Variants in PKP4 observed in about 807,000 individuals in gnomAD.
The protein encoded by PKP4 is plakophilin-4.
Under a neutral mutation model 145.1 loss-of-function variants are expected in PKP4, and 90 were observed. The ratio of observed to expected loss-of-function variants is 0.62; its 90% CI spans 0.52 to 0.74. PKP4 has a LOEUF of 0.74. PKP4 is among the 30% of genes least tolerant of loss of function. The pLI is 0.00. For missense variants in PKP4, 1,340 were observed against 1,482.7 expected (o/e 0.90, Z 1.58); for synonymous variants, 563 against 577.2 (o/e 0.98, Z 0.35).
At chr2:158,536,943 G>C (rs1331491332) in intron 2 of PKP4, among the ~76,000 whole-genome samples, 1 of 152,176 alleles carries the variant, frequency 6.6e-6, no homozygotes, top group East Asian at 1.9e-4. Context: ...TCAGTTACCT[G>C]AGGATAGAGC....
chr2:158,589,419 C>T (rs2049067180), intron 3 of PKP4, among the ~76,000 whole-genome samples: 1 of 152,212 alleles, frequency 6.6e-6, no homozygotes, highest in East Asian at 1.9e-4. Context: ...GCCACTGCAC[C>T]CCTCCAAACA....
intron 2 of PKP4, among the ~76,000 whole-genome samples, chr2:158,576,510 C>T (rs1404388954): frequency 6.6e-6 from 1 of 152,184 alleles, no homozygotes; most frequent in Non-Finnish European, 1.5e-5. Context: ...ACTAAAATCC[C>T]ATCAAGCTAA....
chr2:158,520,542 G>A (rs2105562455), intron 1 of PKP4, among the ~76,000 whole-genome samples: 1 of 152,268 alleles, frequency 6.6e-6, no homozygotes, highest in Non-Finnish European at 1.5e-5. Flanking sequence ...ACTGTATCAT[G>A]TTTATTCCGC....
chr2:158,631,081 G>T (rs889741293), intron 7 of PKP4, among the ~76,000 whole-genome samples: 1 of 151,866 alleles, frequency 6.6e-6, no homozygotes, highest in Non-Finnish European at 1.5e-5. Flanking sequence ...GGGACTATAG[G>T]CTCCCGCCAC....
chr2:158,677,098 G>T, intron 20 of PKP4: 1 of 524,546 alleles, frequency 1.9e-6, no homozygotes, highest in East Asian at 3.7e-5. Flanking sequence ...TGTACGGTGG[G>T]CACAAATAAA....
At chr2:158,678,715 A>G (rs1054389316) in intron 21 of PKP4, 61 bp downstream of exon 21, 4 of 1,039,534 alleles carry the variant, frequency 3.8e-6, no homozygotes, top group Non-Finnish European at 1.5e-6. Flanking sequence ...TAAGGGGTCC[A>G]CGTCGATTGA....
chr2:158,497,205 C>T (rs906716333), intron 1 of PKP4, among the ~76,000 whole-genome samples: 1 of 152,128 alleles, frequency 6.6e-6, no homozygotes, highest in African/African-American at 2.4e-5. Flanking sequence ...AGAGCTTCCA[C>T]CCTGCAGGAA....
chr2:158,498,357 C>G (rs181893175), intron 1 of PKP4, among the ~76,000 whole-genome samples: 4 of 152,102 alleles, frequency 2.6e-5, no homozygotes, highest in African/African-American at 9.7e-5. Flanking sequence ...TGGGGAAAAT[C>G]AAAACCTATC....
At chr2:158,523,858 G>A (rs1347437054) in intron 1 of PKP4, among the ~76,000 whole-genome samples, 1 of 141,242 alleles carries the variant, frequency 7.1e-6, no homozygotes, top group South Asian at 2.5e-4. Flanking sequence ...GAGCCGATGT[G>A]ATCAACTGGA....
rs765885226 is a variant in PKP4, at chr2:158,680,465, A to G, written c.3367A>G (p.Arg1123Gly). The G allele has an allele frequency of 6.2e-7, 1 of 1,613,104 alleles. No individual in the cohort carries two copies. The highest frequency in any genetic ancestry group is 2.2e-5 in the East Asian group (1 of 44,870). The change falls in exon 22 of 22, where the codon AGA becomes GGA. Residue 1123 changes from arginine to glycine, a missense_variant. By Grantham distance (125) the Arg-to-Gly change is moderately radical. Transcript: ENST00000389759. ...QLYYSQDDSN[R>G]KNFDAYRLYL... ...GTATTATAGTCAAGATGACTCCAAC[A>G]GAAAGAACTTTGATGCATACAGATT...
intron 3 of PKP4, among the ~76,000 whole-genome samples, chr2:158,601,064 A>G (rs2050184526): frequency 6.6e-6 from 1 of 152,198 alleles, no homozygotes; most frequent in African/African-American, 2.4e-5. Context: ...ACCTTTCAAA[A>G]CATTAAAGAA....
At chr2:158,486,559 A>G (rs1355080322) in intron 1 of PKP4, among the ~76,000 whole-genome samples, 1 of 152,208 alleles carries the variant, frequency 6.6e-6, no homozygotes, top group East Asian at 1.9e-4. Flanking sequence ...GTGGAAGGTA[A>G]TGTGTGGTGG....
chr2:158,512,445 C>T (rs761040645), intron 1 of PKP4, among the ~76,000 whole-genome samples: 7 of 152,276 alleles, frequency 4.6e-5, no homozygotes, highest in African/African-American at 7.2e-5. Context: ...AGTTGTGGAA[C>T]GGTTGGCATG....
At chr2:158,530,500 CTTTCTTTTTTTT>C (rs2043428921) in intron 1 of PKP4, among the ~76,000 whole-genome samples, 1 of 83,728 alleles carries the variant, frequency 1.2e-5, no homozygotes, top group African/African-American at 5.5e-5. Flanking sequence ...AGTACTCTTT[CTTTCTTTTTTTT>C]TTTTTTTTTT....
At chr2:158,595,222 A>C (rs1224789401) in intron 3 of PKP4, among the ~76,000 whole-genome samples, 1 of 152,200 alleles carries the variant, frequency 6.6e-6, no homozygotes, top group Non-Finnish European at 1.5e-5. Context: ...ACCTATTAGT[A>C]AGTGGTATGA....
chr2:158,548,681 C>A, intron 2 of PKP4: 1 of 184,954 alleles, frequency 5.4e-6, no homozygotes, highest in Non-Finnish European at 1.1e-5. Flanking sequence ...CCAGTTCACC[C>A]CGGCCGTGGA....
chr2:158,482,332 C>T (rs1574029085), intron 1 of PKP4, among the ~76,000 whole-genome samples: 2 of 152,176 alleles, frequency 1.3e-5, no homozygotes, highest in East Asian at 3.9e-4. Context: ...CCTTCCTTTC[C>T]AAGACATGGT....
Position 158,603,094 on chromosome 2 carries a change from G to T in PKP4, c.270G>T (p.Trp90Cys). The change falls in exon 4 of 22, where the codon TGG becomes TGT. Residue 90 changes from tryptophan to cysteine, a missense_variant. Transcript: ENST00000389759. The part of the protein sequence containing the change: ...STSSTEKSFP[W>C]RSTDVPNTGV... ...GCTCAACTGAGAAGTCATTTCCTTGGAGATCAACAGGTATGTTTTTTATTA... is the reference window on the plus strand; with the variant it reads ...GCTCAACTGAGAAGTCATTTCCTTGTAGATCAACAGGTATGTTTTTTATTA... 1 of 1,472,748 alleles carries T rather than the reference G, an allele frequency of 6.8e-7. No homozygotes were observed. Among genetic ancestry groups the T allele is most frequent in the Non-Finnish European group, 9.2e-7 (1 of 1,084,866 alleles). The allele number at this position is 1,472,748 out of a possible 1,614,324, so 91.2% of individuals were successfully genotyped here.
Position 158,681,244 on chromosome 2 carries a change from C to G in PKP4, c.*567C>G, listed in dbSNP as rs1274904630. Reference sequence around the variant, plus strand: ...AAAAACAAATGAGAAGCCCAAGGAACTGTGAGCAATTAAAAGCAAACCGCG... The same window carrying G: ...AAAAACAAATGAGAAGCCCAAGGAAGTGTGAGCAATTAAAAGCAAACCGCG... On this transcript the variant is annotated 3_prime_UTR_variant, in exon 22 of 22. Coordinates refer to ENST00000389759, the MANE Select transcript of PKP4 (RefSeq NM_003628.6). 1 of 153,412 alleles carries G rather than the reference C, an allele frequency of 6.5e-6. No homozygotes were observed. The highest frequency in any genetic ancestry group is 1.5e-5 in the Non-Finnish European group (1 of 68,672). 9.5% of individuals were successfully genotyped at this position (153,412 alleles called of 1,614,324 possible).
Sources: gnomAD v4.1 joint callset for allele counts (sites outside exome capture counted in the v4.1 genomes callset) on GRCh38, gnomAD v4.1.1 for gene constraint, MANE v1.5 for transcripts, NCBI Gene and HGNC (gene_info 2026-07-23, HGNC 2026-07-21) for gene names.